The following BICD1 variants were observed in gnomAD, a reference collection of about 807,000 sequenced individuals.
BICD1 encodes protein bicaudal D homolog 1.
Under a neutral mutation model 92.5 loss-of-function variants are expected in BICD1, and 35 were observed. That is an observed-to-expected ratio of 0.38 (90% CI 0.29 to 0.50). The LOEUF (loss-of-function observed/expected upper bound fraction) is 0.50. BICD1 is among the 20% of genes least tolerant of loss of function. The probability of loss-of-function intolerance (pLI) is 0.93; values close to 1 mark genes in which losing one functional copy is unlikely to be tolerated. For synonymous variants in BICD1, 429 were observed against 465.1 expected (o/e 0.92, Z 1.00); for missense variants, 950 against 1,189.8 (o/e 0.80, Z 2.97).
At chr12:32,292,238 T>G (rs1212278780) in intron 2 of BICD1, among the ~76,000 whole-genome samples, 1 of 152,188 alleles carries the variant, frequency 6.6e-6, no homozygotes, top group African/African-American at 2.4e-5. Context: ...TGATGTTCCT[T>G]GGCGTGTAGA....
At chr12:32,325,521 A>C (rs1015602183) in intron 4 of BICD1, among the ~76,000 whole-genome samples, 1 of 152,182 alleles carries the variant, frequency 6.6e-6, no homozygotes, top group African/African-American at 2.4e-5. Context: ...AAACTTACCC[A>C]TATCAGAACC....
intron 2 of BICD1, among the ~76,000 whole-genome samples, chr12:32,238,888 G>C (rs1193005098): frequency 2.1e-5 from 3 of 145,202 alleles, no homozygotes; most frequent in Admixed American, 1.4e-4. Flanking sequence ...AGGTTGCAGT[G>C]AGCCGAGATC....
rs1394886003 is a variant in BICD1 at position 32,328,230 on chromosome 12, C to T, written c.1775C>T (p.Pro592Leu). ...GAAAGCACAGAGGCCAGCAAAGAAC[C>T]AAGTCCAACTAAGACCCCCACAATC... The part of the protein sequence containing the change: ...AKESTEASKE[P>L]SPTKTPTISP... Residue 592 changes from proline to leucine, a missense_variant, in exon 5 of 10, where the codon CCA becomes CTA. Transcript: ENST00000652176. The surrounding 1 kb of genome is among the most constrained non-coding windows in gnomAD (Gnocchi z 4.4). The T allele has an allele frequency of 5.0e-6, 8 of 1,614,034 alleles. No homozygotes were observed. The highest frequency in any genetic ancestry group is 6.8e-6 in the Non-Finnish European group (8 of 1,180,036).
intron 1 of BICD1, chr12:32,107,797 AAG>A (rs1941541975): frequency 8.6e-6 from 6 of 700,126 alleles, no homozygotes; most frequent in South Asian, 7.5e-5. Flanking sequence ...GGAGATTAGT[AAG>A]AGTCATCAAG....
chr12:32,133,534 G>A (rs1223475321), intron 1 of BICD1, among the ~76,000 whole-genome samples: 1 of 151,948 alleles, frequency 6.6e-6, no homozygotes, highest in Admixed American at 6.6e-5. Flanking sequence ...TCATTTGGAA[G>A]GGATTCATGA....
At chr12:32,352,556 T>C (rs986505573) in intron 8 of BICD1, 12 of 152,180 alleles carry the variant, frequency 7.9e-5, no homozygotes, top group African/African-American at 2.9e-4. Flanking sequence ...TTTCCTCATC[T>C]TAAGGACTTT....
chr12:32,337,954 C>A lies in BICD1; in HGVS notation c.2570+138C>A. ...GGGAGCTGGCATATAAATGGTCTTGCTAATGTGGGTCTTTCCAGATCAAAA... is the reference window on the plus strand; with the variant it reads ...GGGAGCTGGCATATAAATGGTCTTGATAATGTGGGTCTTTCCAGATCAAAA... On this transcript the variant is annotated intron_variant, in intron 7 of 9. Transcript: ENST00000652176. The surrounding 1 kb of genome is among the most constrained non-coding windows in gnomAD (Gnocchi z 4.7). 1 of 926,110 alleles carries A rather than the reference C, an allele frequency of 1.1e-6. No individual in the cohort carries two copies. Among genetic ancestry groups the A allele is most frequent in the Non-Finnish European group, 1.6e-6 (1 of 615,192 alleles). 57.4% of individuals were successfully genotyped at this position (926,110 alleles called of 1,614,324 possible).
intron 1 of BICD1, among the ~76,000 whole-genome samples, chr12:32,152,039 C>A (rs548126176): frequency 1.4e-4 from 21 of 152,128 alleles, no homozygotes; most frequent in Non-Finnish European, 2.5e-4. Flanking sequence ...TCACTGCAAC[C>A]TCTGCCTCCC....
intron 2 of BICD1, among the ~76,000 whole-genome samples, chr12:32,268,224 A>G (rs995092810): frequency 6.6e-6 from 1 of 152,222 alleles, no homozygotes; most frequent in Non-Finnish European, 1.5e-5. Context: ...AAGGACAATG[A>G]GTACAACCAA....
chr12:32,110,991 A>G (rs1213932678), intron 1 of BICD1, among the ~76,000 whole-genome samples: 1 of 122,446 alleles, frequency 8.2e-6, no homozygotes, highest in South Asian at 2.9e-4. Flanking sequence ...GTATAATAAT[A>G]AAAAAAAAGA....
intron 4 of BICD1, among the ~76,000 whole-genome samples, chr12:32,308,776 A>G (rs1255644729): frequency 6.6e-6 from 1 of 152,174 alleles, no homozygotes; most frequent in Non-Finnish European, 1.5e-5. Flanking sequence ...CCATCAGTCT[A>G]TTGAGAAAGC....
chr12:32,222,819 C>T (rs1219406161), intron 2 of BICD1, among the ~76,000 whole-genome samples: 1 of 152,142 alleles, frequency 6.6e-6, no homozygotes, highest in Non-Finnish European at 1.5e-5. Context: ...GAGGACAAGG[C>T]ATTCATCCTC....
Position 32,271,721 on chromosome 12 carries a change from C to T in BICD1, c.427-22273C>T, listed in dbSNP as rs574337456. Among the ~76,000 whole-genome samples, 4 of 152,280 alleles carry T rather than the reference C, an allele frequency of 2.6e-5. No individual in the cohort carries two copies. In the South Asian group the frequency reaches 6.2e-4, roughly 24 times the overall value. ...CTAACCCCATCTTTTTGGAGTCCTC[C>T]TGGGTGACCCTCCTCAAACTTTGTG... is the stretch of plus-strand genomic sequence containing the variant. On this transcript the variant is annotated intron_variant, in intron 2 of 9. Transcript: ENST00000652176.
At chr12:32,361,312 T>G (rs1939316282) in intron 8 of BICD1, among the ~76,000 whole-genome samples, 2 of 152,038 alleles carry the variant, frequency 1.3e-5, no homozygotes, top group African/African-American at 4.8e-5. Context: ...TTCCAGCACT[T>G]TCAGAGGCCG....
chr12:32,121,344 G>C (rs1184284307), intron 1 of BICD1, among the ~76,000 whole-genome samples: 1 of 151,470 alleles, frequency 6.6e-6, no homozygotes, highest in Non-Finnish European at 1.5e-5. Context: ...TGTAATCCCA[G>C]AATTTTGGGA....
intron 2 of BICD1, among the ~76,000 whole-genome samples, chr12:32,252,821 G>A (rs1385947848): frequency 6.6e-6 from 1 of 152,106 alleles, no homozygotes; most frequent in African/African-American, 2.4e-5. Flanking sequence ...TACACAGTTG[G>A]TTTTAGCATT....
Position 32,318,613 on chromosome 12 carries a change from G to T in BICD1, c.1006-8848G>T, listed in dbSNP as rs943579174. On this transcript the variant is annotated intron_variant, in intron 4 of 9. Transcript: ENST00000652176. ...CTCACACCTGTAATCCCAGCACTTT[G>T]GGAGGCCTAGGCAGGTGGATCACCT... Among the ~76,000 whole-genome samples the T allele has an allele frequency of 4.6e-5, 7 of 152,298 alleles. 1 individual carries two copies. The South Asian group carries it at 1.2e-3, about 27-fold the overall frequency.
At chr12:32,191,212 G>A (rs186994250) in intron 1 of BICD1, among the ~76,000 whole-genome samples, 2 of 152,096 alleles carry the variant, frequency 1.3e-5, no homozygotes, top group Admixed American at 1.3e-4. Context: ...TCAGCAGAAG[G>A]AGACAAAGAT....
intron 4 of BICD1, among the ~76,000 whole-genome samples, chr12:32,318,698 T>C (rs1948571460): frequency 6.6e-6 from 1 of 152,086 alleles, no homozygotes. Context: ...CTGCTAAAAA[T>C]ACAAAATTAA....
Sources: allele counts gnomAD v4.1 joint callset (sites outside exome capture counted in the v4.1 genomes callset), GRCh38; gene constraint gnomAD v4.1.1; non-coding constraint Gnocchi (gnomAD v3.1); transcripts MANE v1.5; gene names NCBI Gene and HGNC (gene_info 2026-07-23, HGNC 2026-07-21).